NOS2: variants seen among roughly 807,000 people sequenced by gnomAD.
NOS2 encodes nitric oxide synthase 2.
A neutral mutation model predicts 136.0 loss-of-function variants in NOS2; 96 were observed. The ratio of observed to expected loss-of-function variants is 0.71; its 90% CI spans 0.60 to 0.84. The LOEUF (loss-of-function observed/expected upper bound fraction) is 0.84, where lower values mean the gene tolerates loss of function less well. Ranked by LOEUF, NOS2 falls within the 40% of genes least tolerant of loss-of-function variation. The probability of loss-of-function intolerance (pLI) is 0.00; values close to 1 mark genes in which losing one functional copy is unlikely to be tolerated. For missense variants in NOS2, 1,237 were observed against 1,496.9 expected, an observed-to-expected ratio of 0.83 and a Z score of 2.87; for synonymous variants, 539 against 587.5, an observed-to-expected ratio of 0.92 and a Z score of 1.20.
intron 25 of NOS2, 39 bp from the exon 26 acceptor site, chr17:27,759,114 C>G: frequency 6.8e-7 from 1 of 1,466,628 alleles, no homozygotes; most frequent in Non-Finnish European, 9.1e-7. Context: ...TCCTCAGCTG[C>G]TCAGGACAAG....
At chr17:27,769,616 G>A (rs1373915198) in intron 15 of NOS2, 32 bp from the exon 16 acceptor site, 16 of 1,580,882 alleles carry the variant, frequency 1.0e-5, no homozygotes, top group Non-Finnish European at 1.3e-5. Flanking sequence ...GAGTTCTCAA[G>A]CCAGGATGAA....
In NOS2 at chr17:27,772,362, T is replaced by A. The variant is rs959992128; in HGVS notation, c.1650A>T (p.Ser550=). The A allele has an allele frequency of 1.2e-6, 2 of 1,614,170 alleles. No individual in the cohort carries two copies. The highest frequency in any genetic ancestry group is 1.7e-6 in the Non-Finnish European group (2 of 1,180,036). ...CCCCCAGGTCCCAGGCCAGCGCCTC[T>A]GATTTTCCTGTCTCTGTCGCAAAGA... is the stretch of plus-strand genomic sequence containing the variant. ...TILFATETGK[S]EALAWDLGAL... Residue 550 remains serine, a synonymous_variant, in exon 14 of 27, where the codon TCA becomes TCT. Transcript: ENST00000313735.
At chr17:27,768,166 C>T (rs1383112638) in intron 17 of NOS2, among the ~76,000 whole-genome samples, 5 of 99,180 alleles carry the variant, frequency 5.0e-5, no homozygotes, top group Non-Finnish European at 8.7e-5. Flanking sequence ...CCTCCCGCCT[C>T]AGTCCCGTAC....
At chr17:27,770,368 C>T (rs565468976) in intron 15 of NOS2, among the ~76,000 whole-genome samples, 5 of 152,274 alleles carry the variant, frequency 3.3e-5, no homozygotes, top group African/African-American at 7.2e-5. Flanking sequence ...TGCCTGTAAT[C>T]GCAGCTACTC....
intron 2 of NOS2, among the ~76,000 whole-genome samples, chr17:27,790,201 C>A (rs1478824191): frequency 6.6e-6 from 1 of 152,212 alleles, no homozygotes; most frequent in Non-Finnish European, 1.5e-5. Flanking sequence ...TCAAGTGAAC[C>A]TCCCACCTCA....
chr17:27,778,236 C>T (rs1908722998), intron 11 of NOS2, among the ~76,000 whole-genome samples: 1 of 151,670 alleles, frequency 6.6e-6, no homozygotes, highest in African/African-American at 2.4e-5. Flanking sequence ...TGCTCTGTCG[C>T]CCAGCCAGGC....
In NOS2 at chr17:27,760,111, C is replaced by T. The variant is rs1908067921; in HGVS notation, c.3078G>A (p.Gln1026=). 1 of 1,607,594 alleles carries T rather than the reference C, an allele frequency of 6.2e-7. No individual in the cohort carries two copies. The highest frequency in any genetic ancestry group is 1.3e-5 in the African/African-American group (1 of 74,716). Residue 1026 remains glutamine (Q), a synonymous_variant, in exon 25 of 27, where the codon CAG becomes CAA. Transcript: ENST00000313735. ...TCTGGGCCATCTCCAGCATCTCCTC[C>T]TGGTAGATGTGGTCCTCATCTGGGC... ...CRRPDEDHIY[Q]EEMLEMAQKG...
chr17:27,795,667 T>C (rs1158059576), intron 2 of NOS2, among the ~76,000 whole-genome samples: 2 of 152,230 alleles, frequency 1.3e-5, no homozygotes, highest in Non-Finnish European at 2.9e-5. Context: ...TGAAAATTAC[T>C]TTAACTTTCT....
At chr17:27,767,012 A>G in intron 18 of NOS2, among the ~76,000 whole-genome samples, 1 of 151,824 alleles carries the variant, frequency 6.6e-6, no homozygotes, top group East Asian at 1.9e-4. Context: ...AAAAAAAAAA[A>G]AAAAAAAAAA....
chr17:27,760,269 A>G, intron 24 of NOS2, 91 bp from the exon 25 acceptor site: 1 of 1,327,962 alleles, frequency 7.5e-7, no homozygotes, highest in South Asian at 1.5e-5. Context: ...CACTCCCACT[A>G]GCTATTTAAT....
chr17:27,779,075 C>A lies in NOS2; in HGVS notation c.1005-19G>T. The A allele has an allele frequency of 5.6e-6, 8 of 1,433,420 alleles. No homozygotes were observed. The highest frequency in any genetic ancestry group is 5.5e-6 in the Non-Finnish European group (6 of 1,087,766). The allele number at this position is 1,433,420 out of a possible 1,614,324, so 88.8% of individuals were successfully genotyped here. A position where few individuals can be genotyped will look rare whatever the true frequency, so the allele number is the denominator to read the frequency against. ...CTCGTATCTGGCAAAAAGGTAGACA[C>A]AATTTAACTGGGGCCTTCCTTATTT... On this transcript the variant is annotated intron_variant, in intron 9 of 26. Coordinates refer to ENST00000313735, the MANE Select transcript of NOS2 (RefSeq NM_000625.4).
rs750027214 is a variant in NOS2, at chr17:27,769,068, A to G, written c.1943T>C (p.Leu648Pro). 1 of 1,612,746 alleles carries G rather than the reference A, an allele frequency of 6.2e-7. No individual in the cohort carries two copies. Among genetic ancestry groups the G allele is most frequent in the Admixed American group, 1.7e-5 (1 of 59,906 alleles). The change falls in exon 17 of 27, where the codon CTG (leucine) becomes CCG (proline). Residue 648 changes from leucine (L) to proline (P), a missense_variant. Physicochemically the swap from Leu to Pro is moderately conservative, Grantham distance 98. This residue lies in a region of NOS2 where 782 missense variants were observed against 909.9 expected (regional missense o/e 0.86). Transcript: ENST00000313735. ...CATCGGGGTGAGCTGAGAGGCCCCCAGGTGGGACAGCTTCTGATCAATGTC... is the reference window on the plus strand; with the variant it reads ...CATCGGGGTGAGCTGAGAGGCCCCCGGGTGGGACAGCTTCTGATCAATGTC... The part of the protein sequence containing the change: ...AHDIDQKLSH[L>P]GASQLTPMGE...
chr17:27,759,317 A>C (rs1237018044), intron 25 of NOS2, among the ~76,000 whole-genome samples: 1 of 152,200 alleles, frequency 6.6e-6, no homozygotes, highest in African/African-American at 2.4e-5. Context: ...CTGACCATCC[A>C]GTGGGGATCC....
intron 6 of NOS2, 93 bp from the exon 7 acceptor site, chr17:27,782,199 C>T (rs1435903769): frequency 2.3e-5 from 25 of 1,074,232 alleles, no homozygotes; most frequent in Admixed American, 1.8e-4. Flanking sequence ...ATAGTGCAGC[C>T]GAAACACTCA....
intron 4 of NOS2, among the ~76,000 whole-genome samples, chr17:27,788,196 G>GACACA (rs112336932): frequency 2.0e-5 from 3 of 149,646 alleles, no homozygotes; most frequent in Non-Finnish European, 4.4e-5. Context: ...GCACACGCGT[G>GACACA]CACACACACA....
chr17:27,758,061 G>A (rs1378876405), intron 26 of NOS2, among the ~76,000 whole-genome samples: 1 of 152,170 alleles, frequency 6.6e-6, no homozygotes, highest in Non-Finnish European at 1.5e-5. Context: ...GTTTCCTGCT[G>A]TTTTTCTCTG....
chr17:27,758,980 C>T lies in NOS2; in HGVS notation c.3255G>A (p.Val1085=), dbSNP rs769489629. Residue 1085 remains valine, a synonymous_variant, in exon 26 of 27, where the codon GTG becomes GTA. Transcript: ENST00000313735. ...EPGHLYVCGD[V]RMARDVAHTL... is the part of the protein sequence containing the mutation. ...TGTGGGCCACGTCCCGGGCCATGCGCACATCCCCGCAAACATAGAGGTGGC... is the reference window on the plus strand; with the variant it reads ...TGTGGGCCACGTCCCGGGCCATGCGTACATCCCCGCAAACATAGAGGTGGC... 6 of 1,613,090 alleles carry T rather than the reference C, an allele frequency of 3.7e-6. No individual in the cohort carries two copies. The Admixed American group carries it at 1.0e-4, about 27-fold the overall frequency.
At chr17:27,784,652 AT>A (rs1908963543) in intron 5 of NOS2, among the ~76,000 whole-genome samples, 1 of 152,226 alleles carries the variant, frequency 6.6e-6, no homozygotes, top group Admixed American at 6.5e-5. Flanking sequence ...GGCATTAGAA[AT>A]GCTATGATGT....
intron 24 of NOS2, 38 bp downstream of exon 24, chr17:27,760,585 C>T: frequency 6.4e-7 from 1 of 1,551,350 alleles, no homozygotes. Flanking sequence ...GCGCTGGCCC[C>T]CTGGTGCCCC....
Sources: allele counts gnomAD v4.1 joint callset (sites outside exome capture counted in the v4.1 genomes callset), GRCh38; gene constraint gnomAD v4.1.1; regional missense constraint gnomAD v4.1.1; transcripts MANE v1.5; gene names NCBI Gene and HGNC (gene_info 2026-07-23, HGNC 2026-07-21).